PDE3A: variants seen among roughly 807,000 people sequenced by gnomAD.
PDE3A encodes the protein cGMP-inhibited 3',5'-cyclic phosphodiesterase 3A.
Under a neutral mutation model 98.3 loss-of-function variants are expected in PDE3A, and 43 were observed. The ratio of observed to expected loss-of-function variants is 0.44; its 90% CI spans 0.34 to 0.56. The LOEUF (loss-of-function observed/expected upper bound fraction) is 0.56. Among genes scored for constraint, PDE3A ranks in the 20% least tolerant of loss-of-function variants. The probability of loss-of-function intolerance (pLI) is 0.01; values close to 1 mark genes in which losing one functional copy is unlikely to be tolerated. For synonymous variants in PDE3A, 663 were observed against 567.9 expected (o/e 1.17, Z -2.38); for missense variants, 1,427 against 1,440.7 (o/e 0.99, Z 0.15).
intron 1 of PDE3A, among the ~76,000 whole-genome samples, chr12:20,420,587 C>T (rs1232013700): frequency 2.0e-5 from 3 of 151,998 alleles, no homozygotes; most frequent in Non-Finnish European, 4.4e-5. Flanking sequence ...CAATTGTACA[C>T]GTATTGCAAG....
At chr12:20,550,435 A>C (rs1942167514) in intron 1 of PDE3A, among the ~76,000 whole-genome samples, 1 of 152,146 alleles carries the variant, frequency 6.6e-6, no homozygotes, top group Non-Finnish European at 1.5e-5. Context: ...TGTTTTTGAT[A>C]GTTCTAGTGA....
intron 2 of PDE3A, among the ~76,000 whole-genome samples, chr12:20,612,342 T>A (rs2121448868): frequency 6.6e-6 from 1 of 151,770 alleles, no homozygotes; most frequent in Non-Finnish European, 1.5e-5. Context: ...AGAAGCTCTC[T>A]GTTTGGATAT....
At chr12:20,672,761 G>A (rs1404327879) in intron 15 of PDE3A, among the ~76,000 whole-genome samples, 4 of 132,838 alleles carry the variant, frequency 3.0e-5, no homozygotes, top group Admixed American at 1.6e-4. Context: ...AGAAAACCTA[G>A]GCATTACCAT....
At chr12:20,418,037 A>C (rs918640778) in intron 1 of PDE3A, among the ~76,000 whole-genome samples, 78 of 152,004 alleles carry the variant, frequency 5.1e-4, no homozygotes, top group Non-Finnish European at 2.9e-4. Context: ...TCACTGAGCT[A>C]TTCTAGTTTT....
At chr12:20,392,799 A>C (rs1040832658) in intron 1 of PDE3A, among the ~76,000 whole-genome samples, 3 of 152,068 alleles carry the variant, frequency 2.0e-5, no homozygotes, top group Admixed American at 6.6e-5. Flanking sequence ...ATTCAGCCTT[A>C]AAAAGAATGT....
intron 1 of PDE3A, among the ~76,000 whole-genome samples, chr12:20,456,860 A>G (rs1945161423): frequency 6.6e-6 from 1 of 152,096 alleles, no homozygotes; most frequent in African/African-American, 2.4e-5. Context: ...ATGCTTTTGG[A>G]TGAGTTTGCC....
At chr12:20,384,463 A>G (rs569676088) in intron 1 of PDE3A, among the ~76,000 whole-genome samples, 157 of 152,100 alleles carry the variant, frequency 1.0e-3, no homozygotes, top group African/African-American at 3.8e-3. Context: ...TGTCATTCAC[A>G]TGCTCTTCCT....
chr12:20,483,033 C>T (rs961285950), intron 1 of PDE3A, among the ~76,000 whole-genome samples: 1 of 152,038 alleles, frequency 6.6e-6, no homozygotes, highest in African/African-American at 2.4e-5. Context: ...TTTTCCTAGA[C>T]ATCCTTTTTT....
At chr12:20,511,429 C>T (rs956868880) in intron 1 of PDE3A, among the ~76,000 whole-genome samples, 4 of 151,492 alleles carry the variant, frequency 2.6e-5, no homozygotes, top group African/African-American at 9.7e-5. Context: ...CACACACACA[C>T]ACACACACAC....
chr12:20,487,501 T>TAAAAAA (rs34671800), intron 1 of PDE3A, among the ~76,000 whole-genome samples: 743 of 61,976 alleles, frequency 0.012, 20 homozygotes, highest in South Asian at 0.016. Context: ...CTGTCTCTAC[T>TAAAAAA]AAAAAAAAAA....
chr12:20,605,910 G>A (rs1943699356), intron 2 of PDE3A, among the ~76,000 whole-genome samples: 1 of 152,162 alleles, frequency 6.6e-6, no homozygotes, highest in African/African-American at 2.4e-5. Context: ...CACTGAGTCA[G>A]AAGACTGGAG....
In PDE3A at chr12:20,569,818, G is replaced by A. The variant is rs2121307002; in HGVS notation, c.1011+13108G>A. Among the ~76,000 whole-genome samples, 3 of 152,230 alleles carry A rather than the reference G, an allele frequency of 2.0e-5. No homozygotes were observed. In the East Asian group the frequency reaches 5.8e-4, roughly 29 times the overall value. The stretch of plus-strand genomic sequence containing the variant: ...AACAAAAAGTAAGATTTAAGAATCT[G>A]GATTGACGTCAAGCCCAATATCATA... On this transcript the variant is annotated intron_variant, in intron 2 of 15. Transcript: ENST00000359062.
At position 20,623,692 on chromosome 12, in the gene PDE3A, TATATTCTA is replaced by T. The variant is rs1349326051; in HGVS notation, c.1540+2282_1540+2289del. ...TATTCTAGAAAGAATATATGATGGA[TATATTCTA>T]GAAAGAATATATGATGGATATATTC... On this transcript the variant is annotated intron_variant, in intron 5 of 15. Transcript: ENST00000359062. 6.1e-3 allele frequency among the ~76,000 whole-genome samples: 911 copies of T among 150,280 alleles called. 9 individuals carry two copies. The highest frequency in any genetic ancestry group is 0.017 in the African/African-American group (709 of 40,850).
At chr12:20,537,075 A>T (rs1477969777) in intron 1 of PDE3A, among the ~76,000 whole-genome samples, 1 of 152,000 alleles carries the variant, frequency 6.6e-6, no homozygotes, top group Non-Finnish European at 1.5e-5. Context: ...TGTGTGTTTT[A>T]AAAATGGTTT....
At chr12:20,438,469 A>C (rs2120831449) in intron 1 of PDE3A, among the ~76,000 whole-genome samples, 1 of 152,344 alleles carries the variant, frequency 6.6e-6, no homozygotes, top group Non-Finnish European at 1.5e-5. Context: ...GTGATTTAGT[A>C]ATATGAGAAA....
At chr12:20,391,850 A>G (rs143678706) in intron 1 of PDE3A, among the ~76,000 whole-genome samples, 1 of 152,008 alleles carries the variant, frequency 6.6e-6, no homozygotes, top group African/African-American at 2.4e-5. Flanking sequence ...CAGATATGGT[A>G]TGACTGGAAC....
chr12:20,682,301 CTTGA>C lies in PDE3A; in HGVS notation c.*2034_*2037del. On this transcript the variant is annotated 3_prime_UTR_variant, in exon 16 of 16. Coordinates refer to ENST00000359062, the MANE Select transcript of PDE3A (RefSeq NM_000921.5). ...AAACAATCTTACCTTCTAAGTAAAC[CTTGA>C]TTGTGATTTCCAGTTTTTATTTTCT... is the stretch of plus-strand genomic sequence containing the variant. 6.6e-6 allele frequency: 1 copy of C among 152,180 alleles called. No individual in the cohort carries two copies. The highest frequency in any genetic ancestry group is 3.4e-3 in the Middle Eastern group (1 of 294). The allele number at this position is 152,180 out of a possible 1,614,324, so 9.4% of individuals were successfully genotyped here.
At chr12:20,438,941 ACCACCACG>A (rs1283214817) in intron 1 of PDE3A, among the ~76,000 whole-genome samples, 1 of 151,806 alleles carries the variant, frequency 6.6e-6, no homozygotes, top group Non-Finnish European at 1.5e-5. Flanking sequence ...ATAGGCACGT[ACCACCACG>A]CCTGGCTAAT....
chr12:20,602,976 C>T (rs147548216), intron 2 of PDE3A, among the ~76,000 whole-genome samples: 4 of 152,262 alleles, frequency 2.6e-5, no homozygotes, highest in Non-Finnish European at 4.4e-5. Flanking sequence ...TCCAGCTCAT[C>T]TTCTAAATTA....
Sources: allele counts gnomAD v4.1 joint callset (sites outside exome capture counted in the v4.1 genomes callset), GRCh38; gene constraint gnomAD v4.1.1; transcripts MANE v1.5; gene names NCBI Gene and HGNC (gene_info 2026-07-23, HGNC 2026-07-21).